The following PCDH15 variants were observed in gnomAD, a reference collection of about 807,000 sequenced individuals.
PCDH15 encodes the protein protocadherin-15.
Under a neutral mutation model 178.5 loss-of-function variants are expected in PCDH15, and 129 were observed. That is an observed-to-expected ratio of 0.72 (90% CI 0.63 to 0.84). The LOEUF is 0.84. PCDH15 is among the 40% of genes least tolerant of loss of function. The pLI is 0.00. For missense variants in PCDH15, 2,230 were observed against 2,099.9 expected, an observed-to-expected ratio of 1.06 and a Z score of -1.21; for synonymous variants, 800 against 732.0, an observed-to-expected ratio of 1.09 and a Z score of -1.50.
At chr10:54,116,159 T>C (rs2095108796) in intron 15 of PCDH15, among the ~76,000 whole-genome samples, 1 of 150,190 alleles carries the variant, frequency 6.7e-6, no homozygotes, top group South Asian at 2.1e-4. Flanking sequence ...AAGAAGAAAC[T>C]ATCAATTCTG....
intron 2 of PCDH15, among the ~76,000 whole-genome samples, chr10:55,146,934 G>C (rs547658969): frequency 1.3e-5 from 2 of 151,264 alleles, no homozygotes; most frequent in African/African-American, 2.4e-5. Context: ...GTGGCGGGGT[G>C]GGGGGAAGAC....
chr10:54,140,578 C>A (rs1329166400), intron 14 of PCDH15, among the ~76,000 whole-genome samples: 1 of 152,020 alleles, frequency 6.6e-6, no homozygotes, highest in Non-Finnish European at 1.5e-5. Context: ...AAGTGATTCC[C>A]CTTCCTCAGC....
intron 2 of PCDH15, among the ~76,000 whole-genome samples, chr10:54,592,681 T>C (rs1190357803): frequency 6.6e-6 from 1 of 152,154 alleles, no homozygotes; most frequent in Non-Finnish European, 1.5e-5. Flanking sequence ...GATTCAAAAT[T>C]ATTTTATTTC....
At chr10:54,922,765 CCT>C (rs2131845507) in intron 2 of PCDH15, among the ~76,000 whole-genome samples, 1 of 152,254 alleles carries the variant, frequency 6.6e-6, no homozygotes, top group African/African-American at 2.4e-5. Flanking sequence ...GGAAGCTCCA[CCT>C]CTGTGACTCT....
At chr10:53,963,761 G>A (rs1009248369) in intron 21 of PCDH15, among the ~76,000 whole-genome samples, 2 of 152,014 alleles carry the variant, frequency 1.3e-5, no homozygotes, top group African/African-American at 4.8e-5. Context: ...AAGCCCCATA[G>A]CCAAATCATC....
At chr10:55,146,166 G>A (rs942665652) in intron 2 of PCDH15, among the ~76,000 whole-genome samples, 4 of 151,824 alleles carry the variant, frequency 2.6e-5, no homozygotes, top group African/African-American at 9.7e-5. Context: ...TTTTGTTCAC[G>A]GCAGCAATCC....
chr10:54,720,395 C>A, intron 1 of PCDH15, among the ~76,000 whole-genome samples: 1 of 151,772 alleles, frequency 6.6e-6, no homozygotes, highest in East Asian at 1.9e-4. Context: ...AAAAAAAATC[C>A]TAAAATCAGC....
intron 8 of PCDH15, among the ~76,000 whole-genome samples, chr10:54,278,057 G>T (rs1398287930): frequency 1.3e-5 from 2 of 151,512 alleles, no homozygotes; most frequent in Admixed American, 6.6e-5. Flanking sequence ...TATGGACATT[G>T]ACAGCATATA....
intron 14 of PCDH15, among the ~76,000 whole-genome samples, chr10:54,147,817 AG>A (rs970262732): frequency 4.0e-5 from 6 of 151,324 alleles, no homozygotes; most frequent in Non-Finnish European, 8.8e-5. Flanking sequence ...CCTCCACAAC[AG>A]TAACTACAAA....
chr10:54,922,991 G>A (rs1342179903), intron 2 of PCDH15, among the ~76,000 whole-genome samples: 1 of 152,156 alleles, frequency 6.6e-6, no homozygotes, highest in East Asian at 1.9e-4. Flanking sequence ...GAGGTTCCAT[G>A]AGGACTCCAC....
chr10:55,590,086 G>T (rs1047704570), intron 2 of PCDH15, among the ~76,000 whole-genome samples: 8 of 150,312 alleles, frequency 5.3e-5, no homozygotes, highest in African/African-American at 1.7e-4. Context: ...ATGATAGACT[G>T]GATTAAGAAA....
chr10:55,049,573 A>G (rs1038537912), intron 2 of PCDH15, among the ~76,000 whole-genome samples: 1 of 151,964 alleles, frequency 6.6e-6, no homozygotes, highest in Non-Finnish European at 1.5e-5. Flanking sequence ...GAACTCTTTC[A>G]TTCTTTCATA....
chr10:53,935,622 A>G (rs568969684), intron 25 of PCDH15, among the ~76,000 whole-genome samples: 46 of 152,346 alleles, frequency 3.0e-4, no homozygotes, highest in African/African-American at 1.0e-3. Context: ...AAGCTACAGC[A>G]GAGTAGAGTA....
intron 9 of PCDH15, among the ~76,000 whole-genome samples, chr10:54,228,783 T>G (rs1176861167): frequency 6.6e-6 from 1 of 152,180 alleles, no homozygotes; most frequent in Non-Finnish European, 1.5e-5. Flanking sequence ...TAAGAGCAGA[T>G]CTTCTTCACT....
intron 3 of PCDH15, among the ~76,000 whole-genome samples, chr10:54,519,361 A>C (rs1269888330): frequency 6.6e-6 from 1 of 152,130 alleles, no homozygotes; most frequent in African/African-American, 2.4e-5. Flanking sequence ...AACTTCAGCA[A>C]AGTCTCAGGA....
chr10:54,799,940 A>G (rs1952478121), intron 1 of PCDH15, among the ~76,000 whole-genome samples: 1 of 152,194 alleles, frequency 6.6e-6, no homozygotes, highest in African/African-American at 2.4e-5. Context: ...TTGCGCTCAA[A>G]ATATGCCTCT....
chr10:55,290,809 T>A (rs1004217394), intron 1 of PCDH15, among the ~76,000 whole-genome samples: 5 of 151,568 alleles, frequency 3.3e-5, no homozygotes. Flanking sequence ...TAATGGGAAA[T>A]AAAATTAGAA....
intron 8 of PCDH15, among the ~76,000 whole-genome samples, chr10:54,248,100 C>T (rs745795288): frequency 1.3e-5 from 2 of 151,490 alleles, no homozygotes; most frequent in South Asian, 2.1e-4. Flanking sequence ...AAAAAATTTT[C>T]ATTTGAAACT....
At chr10:54,580,238 A>G (rs1322166192) in intron 2 of PCDH15, among the ~76,000 whole-genome samples, 2 of 152,066 alleles carry the variant, frequency 1.3e-5, no homozygotes, top group East Asian at 3.9e-4. Flanking sequence ...GATGAACAAA[A>G]CAAAAAAGAG....
Sources: gnomAD v4.1 joint callset for allele counts (sites outside exome capture counted in the v4.1 genomes callset) on GRCh38, gnomAD v4.1.1 for gene constraint, MANE v1.5 for transcripts, NCBI Gene and HGNC (gene_info 2026-07-23, HGNC 2026-07-21) for gene names.